Variants in C8orf82 observed in about 807,000 individuals in gnomAD.
C8orf82 encodes UPF0598 protein C8orf82.
In C8orf82, 24 loss-of-function variants were observed where a neutral mutation model predicts 15.0. That is an observed-to-expected ratio of 1.60 (90% CI 1.16 to 2.24). The LOEUF (loss-of-function observed/expected upper bound fraction) is 2.24, where lower values mean the gene tolerates loss of function less well. Among genes scored for constraint, C8orf82 ranks in the 30% most tolerant of loss-of-function variants. The pLI is 0.00. For synonymous variants in C8orf82, 205 were observed against 152.2 expected (o/e 1.35, Z -2.55); for missense variants, 388 against 317.4 (o/e 1.22, Z -1.69).
At position 144,528,561 on chromosome 8, in the gene C8orf82, T is replaced by G. The variant is rs759942083; in HGVS notation, c.156+200A>C. On this transcript the variant is annotated intron_variant, in intron 1 of 2. Transcript: ENST00000524821. Reference sequence around the variant, plus strand: ...CCGGACCGACCCAACTCCCCGTCTTTCCAGCGCGCTCTCCTCCAGCTCTGA... The same window carrying G: ...CCGGACCGACCCAACTCCCCGTCTTGCCAGCGCGCTCTCCTCCAGCTCTGA... The G allele has an allele frequency of 3.1e-6, 4 of 1,283,492 alleles. No homozygotes were observed. In the African/African-American group the frequency reaches 6.2e-5, roughly 20 times the overall value. 79.5% of individuals were successfully genotyped at this position (1,283,492 alleles called of 1,614,324 possible).
In C8orf82 at chr8:144,528,783, T is replaced by C. The variant is rs1049083825; in HGVS notation, c.134A>G (p.Tyr45Cys). The change falls in exon 1 of 3, where the codon TAC becomes TGC. Residue 45 changes from tyrosine (Y) to cysteine (C), a missense_variant. Tyr to Cys is a radical substitution (Grantham distance 194). Coordinates refer to ENST00000524821, the MANE Select transcript of C8orf82 (RefSeq NM_001001795.2). ...CACCTGGCCCTGGTGGTCCACGTAG[T>C]AGAAATACTCGCGGGTCCGCGGCTC... ...SPEPRTREYFYYVDHQGQLFL... is the reference protein window; with the variant it reads ...SPEPRTREYFCYVDHQGQLFL... The C allele has an allele frequency of 4.9e-5, 68 of 1,378,762 alleles. No individual in the cohort carries two copies. The highest frequency in any genetic ancestry group is 5.1e-5 in the Non-Finnish European group (54 of 1,054,266). The allele number at this position is 1,378,762 out of a possible 1,614,324, so 85.4% of individuals were successfully genotyped here. A position where few individuals can be genotyped will look rare whatever the true frequency, so the allele number is the denominator to read the frequency against.
At chr8:144,528,616 C>CCGGGGG in intron 1 of C8orf82, 145 bp downstream of exon 1, 2 of 296,002 alleles carry the variant, frequency 6.8e-6, no homozygotes, top group Non-Finnish European at 1.0e-5. Context: ...GCGCAGGCCC[C>CCGGGGG]GCCCACCCAC....
rs758397404 is a variant in C8orf82, at chr8:144,527,723, G to A, written c.270C>T (p.Ala90=). The stretch of plus-strand genomic sequence containing the variant: ...CGCAGGGCGAGAGGAAGGGGAAAGC[G>A]GCCTCGTAGCGCCCGCTGCGGTTGG... The part of the protein sequence containing the change: ...LRPNRSGRYE[A]AFPFLSPCGR... Residue 90 remains alanine (A), a synonymous_variant, in exon 3 of 3, where the codon GCC becomes GCT. Transcript: ENST00000524821. The A allele has an allele frequency of 2.5e-6, 4 of 1,591,448 alleles. No individual in the cohort carries two copies. The South Asian group carries it at 4.4e-5, about 18-fold the overall frequency.
chr8:144,529,022 C>A lies in C8orf82; in HGVS notation c.-106G>T. The A allele has an allele frequency of 1.7e-6, 2 of 1,187,752 alleles. No individual in the cohort carries two copies. Among genetic ancestry groups the A allele is most frequent in the Non-Finnish European group, 2.2e-6 (2 of 913,102 alleles). 73.6% of individuals were successfully genotyped at this position (1,187,752 alleles called of 1,614,324 possible). A position where few individuals can be genotyped will look rare whatever the true frequency, so the allele number is the denominator to read the frequency against. On this transcript the variant is annotated 5_prime_UTR_variant, in exon 1 of 3. Transcript: ENST00000524821. ...GCGCTTCGCGTTCCGGCGGCGCCCG[C>A]CTCCGCGACCCGGGCCCGGCGCTCT...
rs750888696 is a variant in C8orf82 at position 144,528,020 on chromosome 8, T to A, written c.205+4A>T. ...AGGGGCTGGAGAGGGAGGCACAGCATTACCTTTGAAGCAGGTGATGAAATT... is the reference window on the plus strand; with the variant it reads ...AGGGGCTGGAGAGGGAGGCACAGCAATACCTTTGAAGCAGGTGATGAAATT... On this transcript the variant is annotated splice_donor_region_variant and intron_variant, in intron 2 of 2. Coordinates refer to ENST00000524821, the MANE Select transcript of C8orf82 (RefSeq NM_001001795.2). The A allele has an allele frequency of 6.2e-7, 1 of 1,612,520 alleles. No individual in the cohort carries two copies. Among genetic ancestry groups the A allele is most frequent in the Non-Finnish European group, 8.5e-7 (1 of 1,179,774 alleles).
chr8:144,527,737 C>A lies in C8orf82; in HGVS notation c.256G>T (p.Gly86Trp), dbSNP rs756286029. 6.3e-7 allele frequency: 1 copy of A among 1,593,348 alleles called. No individual in the cohort carries two copies. The highest frequency in any genetic ancestry group is 8.5e-7 in the Non-Finnish European group (1 of 1,176,990). Residue 86 changes from glycine (G) to tryptophan (W), a missense_variant, in exon 3 of 3, where the codon GGG (glycine) becomes TGG (tryptophan). Coordinates refer to ENST00000524821, the MANE Select transcript of C8orf82 (RefSeq NM_001001795.2). Reference sequence around the variant, plus strand: ...AAGGGGAAAGCGGCCTCGTAGCGCCCGCTGCGGTTGGGTCTCAGGCGGGAG... The same window carrying A: ...AAGGGGAAAGCGGCCTCGTAGCGCCAGCTGCGGTTGGGTCTCAGGCGGGAG... ...FFSRLRPNRS[G>W]RYEAAFPFLS... is the part of the protein sequence containing the mutation.
chr8:144,525,872 G>A lies in C8orf82; in HGVS notation c.*1470C>T, dbSNP rs1291044287. On this transcript the variant is annotated 3_prime_UTR_variant, in exon 3 of 3. Transcript: ENST00000524821. The stretch of plus-strand genomic sequence containing the variant: ...GCTTCCCAAGTGGGCTCTGGGAGCA[G>A]TGTGACCTCTGAGATCAGCAAGGAG... 1 of 152,208 alleles carries A rather than the reference G, an allele frequency of 6.6e-6. No individual in the cohort carries two copies. Among genetic ancestry groups the A allele is most frequent in the Non-Finnish European group, 1.5e-5 (1 of 68,054 alleles). 9.4% of individuals were successfully genotyped at this position (152,208 alleles called of 1,614,324 possible).
Position 144,528,911 on chromosome 8 carries a change from C to T in C8orf82, c.6G>A (p.Trp2Ter). 3.3e-6 allele frequency: 5 copies of T among 1,508,332 alleles called. No homozygotes were observed. Among genetic ancestry groups the T allele is most frequent in the Admixed American group, 4.4e-5 (2 of 45,460 alleles). 93.4% of individuals were successfully genotyped at this position (1,508,332 alleles called of 1,614,324 possible). The stretch of plus-strand genomic sequence containing the variant: ...GGGTCCGGAGCGTCCCGCAAGGCGG[C>T]CACATTCTCCTCCCGCGCCGGAAGC... M[W>*]PPCGTLRTLA... is the part of the protein sequence containing the mutation. The change falls in exon 1 of 3, where the codon TGG (tryptophan) becomes TGA (stop). Residue 2 changes from tryptophan (W) to a stop codon, truncating the protein, a stop_gained. Transcript: ENST00000524821. LOFTEE classifies it high-confidence loss of function.
Position 144,526,218 on chromosome 8 carries a change from G to A in C8orf82, c.*1124C>T, listed in dbSNP as rs1816354283. 2 of 152,338 alleles carry A rather than the reference G, an allele frequency of 1.3e-5. No homozygotes were observed. The highest frequency in any genetic ancestry group is 4.1e-4 in the South Asian group (2 of 4,830). 9.4% of individuals were successfully genotyped at this position (152,338 alleles called of 1,614,324 possible). On this transcript the variant is annotated 3_prime_UTR_variant, in exon 3 of 3. Transcript: ENST00000524821. ...GATTATTTAAAGTCACTAGAAATAA[G>A]TAAGCACAGCAATAAAGTTTTAATG... is the stretch of plus-strand genomic sequence containing the variant.
chr8:144,528,480 A>G (rs1378398147), intron 1 of C8orf82: 10 of 1,460,376 alleles, frequency 6.8e-6, no homozygotes, highest in Non-Finnish European at 9.1e-6. Flanking sequence ...GACTTGTAGG[A>G]CAGAGTCCGA....
chr8:144,528,625 A>G (rs966090817), intron 1 of C8orf82, 136 bp downstream of exon 1: 2 of 29,222 alleles, frequency 6.8e-5, no homozygotes, highest in South Asian at 3.2e-4. Context: ...CCGCCCACCC[A>G]CCCACCCCCT....
In C8orf82 at chr8:144,529,023, C is replaced by G; in HGVS notation, c.-107G>C. 1.7e-6 allele frequency: 2 copies of G among 1,190,612 alleles called. No homozygotes were observed. The highest frequency in any genetic ancestry group is 4.0e-5 in the South Asian group (2 of 50,600). The allele number at this position is 1,190,612 out of a possible 1,614,324, so 73.8% of individuals were successfully genotyped here. On this transcript the variant is annotated 5_prime_UTR_variant, in exon 1 of 3. Coordinates refer to ENST00000524821, the MANE Select transcript of C8orf82 (RefSeq NM_001001795.2). ...CGCTTCGCGTTCCGGCGGCGCCCGC[C>G]TCCGCGACCCGGGCCCGGCGCTCTT...
rs1816416884 is a variant in C8orf82 at position 144,527,583 on chromosome 8, G to C, written c.410C>G (p.Ala137Gly). ...CAGGCGCGCCGGCTCGAAGGGCACG[G>C]CCAGGGCCTCGCCACCGCCGCAGTA... is the stretch of plus-strand genomic sequence containing the variant. Reference protein sequence around the residue: ...LSYCGGGEALAVPFEPARLLP... With the variant: ...LSYCGGGEALGVPFEPARLLP... The change falls in exon 3 of 3, where the codon GCC becomes GGC. Residue 137 changes from alanine to glycine, a missense_variant. By Grantham distance (60) the Ala-to-Gly change is moderately conservative. Coordinates refer to ENST00000524821, the MANE Select transcript of C8orf82 (RefSeq NM_001001795.2). The C allele has an allele frequency of 2.7e-6, 4 of 1,505,306 alleles. No individual in the cohort carries two copies. Among genetic ancestry groups the C allele is most frequent in the Non-Finnish European group, 3.5e-6 (4 of 1,131,638 alleles). 93.2% of individuals were successfully genotyped at this position (1,505,306 alleles called of 1,614,324 possible). A position where few individuals can be genotyped will look rare whatever the true frequency, so the allele number is the denominator to read the frequency against.
Position 144,529,012 on chromosome 8 carries a change from G to T in C8orf82, c.-96C>A. On this transcript the variant is annotated 5_prime_UTR_variant, in exon 1 of 3. Coordinates refer to ENST00000524821, the MANE Select transcript of C8orf82 (RefSeq NM_001001795.2). ...CAGTAGCCCCGCGCTTCGCGTTCCG[G>T]CGGCGCCCGCCTCCGCGACCCGGGC... is the stretch of plus-strand genomic sequence containing the variant. 1 of 1,278,526 alleles carries T rather than the reference G, an allele frequency of 7.8e-7. No individual in the cohort carries two copies. Among genetic ancestry groups the T allele is most frequent in the Non-Finnish European group, 1.0e-6 (1 of 993,408 alleles). 79.2% of individuals were successfully genotyped at this position (1,278,526 alleles called of 1,614,324 possible).
intron 1 of C8orf82, 42 bp downstream of exon 1, chr8:144,528,709 CAGAGACCTCT>C (rs2130805678): frequency 4.1e-5 from 33 of 801,950 alleles, no homozygotes; most frequent in Non-Finnish European, 5.1e-5. Flanking sequence ...CCGCCCCGCC[CAGAGACCTCT>C]CCCGGCCCCG....
At chr8:144,528,391 T>G (rs748295109) in intron 1 of C8orf82, 1 of 1,493,012 alleles carries the variant, frequency 6.7e-7, no homozygotes, top group South Asian at 1.2e-5. Flanking sequence ...GCAGCTGCCT[T>G]TTGACAGGGC....
In C8orf82 at chr8:144,528,086, G is replaced by A. The variant is rs766864412; in HGVS notation, c.157-14C>T. On this transcript the variant is annotated splice_polypyrimidine_tract_variant and intron_variant, in intron 1 of 2. Coordinates refer to ENST00000524821, the MANE Select transcript of C8orf82 (RefSeq NM_001001795.2). ...ATCCAGGAAAAGCTGCAGATAGAGG[G>A]CCAGGCCGTGATAAGTCCCAGCGTG... 16 of 1,611,862 alleles carry A rather than the reference G, an allele frequency of 9.9e-6. No individual in the cohort carries two copies. The highest frequency in any genetic ancestry group is 2.2e-5 in the East Asian group (1 of 44,886).
intron 2 of C8orf82, 77 bp from the exon 3 acceptor site, chr8:144,527,864 G>A: frequency 3.2e-6 from 5 of 1,544,246 alleles, no homozygotes; most frequent in Non-Finnish European, 4.4e-6. Flanking sequence ...CCGAGGGCAG[G>A]CGCCGACGGT....
rs991147251 is a variant in C8orf82 at position 144,526,078 on chromosome 8, C to T, written c.*1264G>A. 6.6e-6 allele frequency: 1 copy of T among 152,192 alleles called. No individual in the cohort carries two copies. The highest frequency in any genetic ancestry group is 1.5e-5 in the Non-Finnish European group (1 of 68,042). The allele number at this position is 152,192 out of a possible 1,614,324, so 9.4% of individuals were successfully genotyped here. Reference sequence around the variant, plus strand: ...GTCCTGTCTCCCAGCCTCATCTGGCCGGCCTCCCCAAACATTTGCCTGTCC... The same window carrying T: ...GTCCTGTCTCCCAGCCTCATCTGGCTGGCCTCCCCAAACATTTGCCTGTCC... On this transcript the variant is annotated 3_prime_UTR_variant, in exon 3 of 3. Coordinates refer to ENST00000524821, the MANE Select transcript of C8orf82 (RefSeq NM_001001795.2).
Sources: gnomAD v4.1 joint callset for allele counts on GRCh38, gnomAD v4.1.1 for gene constraint, MANE v1.5 for transcripts, NCBI Gene and HGNC (gene_info 2026-07-23, HGNC 2026-07-21) for gene names.